The following COL24A1 variants were observed in gnomAD, a reference collection of about 807,000 sequenced individuals.
The protein encoded by COL24A1 is collagen type XXIV alpha 1 chain, also known as collagen alpha-1(XXIV) chain.
Under a neutral mutation model 253.9 loss-of-function variants are expected in COL24A1, and 224 were observed. The observed-to-expected ratio is 0.88, with a 90% confidence interval of 0.79 to 0.99. The LOEUF (loss-of-function observed/expected upper bound fraction) is 0.99. Among genes scored for constraint, COL24A1 ranks in the 50% least tolerant of loss-of-function variants. COL24A1 has a pLI of 0.00. For missense variants in COL24A1, 2,131 were observed against 2,068.5 expected, an observed-to-expected ratio of 1.03 and a Z score of -0.59; for synonymous variants, 685 against 673.7, an observed-to-expected ratio of 1.02 and a Z score of -0.26.
chr1:86,011,840 C>T (rs888425278), intron 19 of COL24A1, among the ~76,000 whole-genome samples: 1 of 152,152 alleles, frequency 6.6e-6, no homozygotes, highest in Non-Finnish European at 1.5e-5. Context: ...TGAAAGCACT[C>T]TCATTCTATT....
intron 3 of COL24A1, among the ~76,000 whole-genome samples, chr1:86,121,715 T>C (rs1647383087): frequency 6.6e-6 from 1 of 152,062 alleles, no homozygotes; most frequent in Non-Finnish European, 1.5e-5. Flanking sequence ...GTAGAAAAGA[T>C]AATAAATACC....
intron 37 of COL24A1, among the ~76,000 whole-genome samples, chr1:85,859,874 T>C (rs112708482): frequency 6.0e-4 from 92 of 152,256 alleles, no homozygotes; most frequent in Admixed American, 5.9e-4. Flanking sequence ...TCCCAGCTAT[T>C]TGGGAGGCTG....
At chr1:86,046,665 C>T (rs555103767) in intron 12 of COL24A1, among the ~76,000 whole-genome samples, 160 bp downstream of exon 12, 88 of 152,230 alleles carry the variant, frequency 5.8e-4, no homozygotes, top group Non-Finnish European at 8.2e-4. Flanking sequence ...TTTATATCCT[C>T]AGGTATTATT....
chr1:85,888,393 T>C (rs1352911591), intron 32 of COL24A1, among the ~76,000 whole-genome samples: 3 of 152,100 alleles, frequency 2.0e-5, no homozygotes. Flanking sequence ...CATAAATCTA[T>C]GAGTGTTTTG....
At chr1:85,989,457 C>T (rs903026309) in intron 19 of COL24A1, among the ~76,000 whole-genome samples, 1 of 152,132 alleles carries the variant, frequency 6.6e-6, no homozygotes, top group Non-Finnish European at 1.5e-5. Flanking sequence ...CACTTTTCTA[C>T]AAACCTCCCT....
In COL24A1 at chr1:85,813,592, C is replaced by T. The variant is rs370148903; in HGVS notation, c.3951+3196G>A. Among the ~76,000 whole-genome samples the T allele has an allele frequency of 4.8e-5, 6 of 123,726 alleles. No individual in the cohort carries two copies. The East Asian group carries it at 1.0e-3, about 21-fold the overall frequency. 81.2% of individuals were successfully genotyped at this position (123,726 alleles called of 152,430 possible). A position where few individuals can be genotyped will look rare whatever the true frequency, so the allele number is the denominator to read the frequency against. ...TTGAGACGGAGTCTCGCTCTGTCGC[C>T]CAGGCTGGAGTGCAGTGGCGGGATC... On this transcript the variant is annotated intron_variant, in intron 47 of 59. Transcript: ENST00000370571.
chr1:85,783,531 C>A lies in COL24A1; in HGVS notation c.4249G>T (p.Gly1417Trp), dbSNP rs201019927. ...ATAGGACCTTTAGGACCTGATATCC[C>A]AACAATGCCAGCATCCCCTTCAGGA... ...KGPEGDAGIV[G>W]ISGPKGPIGH... Residue 1417 changes from glycine (G) to tryptophan (W), a missense_variant, in exon 51 of 60, where the codon GGG (glycine) becomes TGG (tryptophan). By Grantham distance (184) the Gly-to-Trp change is radical. Coordinates refer to ENST00000370571, the MANE Select transcript of COL24A1 (RefSeq NM_152890.7). The A allele has an allele frequency of 2.5e-5, 40 of 1,613,282 alleles. 1 individual carries two copies. The highest frequency in any genetic ancestry group is 1.7e-6 in the Non-Finnish European group (2 of 1,179,580).
intron 52 of COL24A1, among the ~76,000 whole-genome samples, chr1:85,778,052 T>TCTATCTAC (rs1558087167): frequency 6.6e-6 from 1 of 151,884 alleles, no homozygotes; most frequent in Non-Finnish European, 1.5e-5. Context: ...TATCTATCTA[T>TCTATCTAC]CTATCTATCT....
chr1:86,011,009 A>AT (rs1696437208), intron 19 of COL24A1, among the ~76,000 whole-genome samples: 1 of 152,246 alleles, frequency 6.6e-6, no homozygotes, highest in Non-Finnish European at 1.5e-5. Context: ...CTGAAAAAGA[A>AT]TAAGAGGATG....
At chr1:85,861,781 T>A (rs1679178472) in intron 37 of COL24A1, among the ~76,000 whole-genome samples, 1 of 152,208 alleles carries the variant, frequency 6.6e-6, no homozygotes, top group Non-Finnish European at 1.5e-5. Context: ...AAAACCCAAA[T>A]TTCTTATCAT....
chr1:85,778,029 C>CTATCTATCTATT (rs1668750050), intron 52 of COL24A1, among the ~76,000 whole-genome samples: 1 of 145,146 alleles, frequency 6.9e-6, no homozygotes, highest in Non-Finnish European at 1.5e-5. Flanking sequence ...CTATCTCTAT[C>CTATCTATCTATT]TATCTATCTA....
At chr1:85,947,059 AG>A (rs752580103) in intron 24 of COL24A1, among the ~76,000 whole-genome samples, 1 of 152,242 alleles carries the variant, frequency 6.6e-6, no homozygotes, top group Non-Finnish European at 1.5e-5. Context: ...TGGCATGAAC[AG>A]ATGCTTAATA....
At chr1:85,776,744 C>T (rs972358589) in intron 52 of COL24A1, among the ~76,000 whole-genome samples, 3 of 151,818 alleles carry the variant, frequency 2.0e-5, no homozygotes, top group African/African-American at 7.3e-5. Context: ...AGACTGTCTT[C>T]CAGAAAGTTA....
At chr1:86,116,726 T>C (rs1170229058) in intron 3 of COL24A1, among the ~76,000 whole-genome samples, 1 of 152,218 alleles carries the variant, frequency 6.6e-6, no homozygotes, top group African/African-American at 2.4e-5. Flanking sequence ...TTTCTGATAT[T>C]CATTAGATAT....
chr1:86,077,961 A>G (rs1390865473), intron 7 of COL24A1, among the ~76,000 whole-genome samples: 1 of 152,200 alleles, frequency 6.6e-6, no homozygotes, highest in Non-Finnish European at 1.5e-5. Context: ...CTGCACATGT[A>G]TCACAGAACT....
chr1:85,989,787 T>C (rs2100947166), intron 19 of COL24A1, among the ~76,000 whole-genome samples: 1 of 152,308 alleles, frequency 6.6e-6, no homozygotes, highest in East Asian at 1.9e-4. Flanking sequence ...TTCCCTCACC[T>C]TGAATAATGT....
Position 85,911,385 on chromosome 1 carries a change from C to T in COL24A1, c.2611G>A (p.Glu871Lys), listed in dbSNP as rs774016057. ...GEVGMTGSIG[E>K]KGERGSPGPL... Reference sequence around the variant, plus strand: ...AATAATTCTTAAAAAATTACCTTTTCGCCAATGCTTCCAGTCATCCCAACT... The same window carrying T: ...AATAATTCTTAAAAAATTACCTTTTTGCCAATGCTTCCAGTCATCCCAACT... The change falls in exon 25 of 60, where the codon GAA becomes AAA. Residue 871 changes from glutamate (E) to lysine (K), a missense_variant. Physicochemically the swap from Glu to Lys is moderately conservative, Grantham distance 56. Coordinates refer to ENST00000370571, the MANE Select transcript of COL24A1 (RefSeq NM_152890.7). 62 of 1,610,810 alleles carry T rather than the reference C, an allele frequency of 3.8e-5. No individual in the cohort carries two copies. Among genetic ancestry groups the T allele is most frequent in the African/African-American group, 2.7e-4 (20 of 74,708 alleles).
chr1:86,089,588 G>T (rs1047683676), intron 6 of COL24A1, among the ~76,000 whole-genome samples: 1 of 152,214 alleles, frequency 6.6e-6, no homozygotes, highest in African/African-American at 2.4e-5. Flanking sequence ...GGGAGGCCGA[G>T]ACAGGTGGAC....
intron 47 of COL24A1, among the ~76,000 whole-genome samples, chr1:85,808,499 A>C (rs1672209489): frequency 6.6e-6 from 1 of 152,214 alleles, no homozygotes; most frequent in East Asian, 1.9e-4. Context: ...TCTTGCCTTC[A>C]TGTGGCAGGA....
Sources: gnomAD v4.1 joint callset for allele counts (sites outside exome capture counted in the v4.1 genomes callset) on GRCh38, gnomAD v4.1.1 for gene constraint, MANE v1.5 for transcripts, NCBI Gene and HGNC (gene_info 2026-07-23, HGNC 2026-07-21) for gene names.